Variants in KDM4C observed in about 807,000 individuals in gnomAD.
KDM4C encodes lysine demethylase 4C.
In KDM4C, 81 loss-of-function variants were observed where a neutral mutation model predicts 129.3. That is an observed-to-expected ratio of 0.63 (90% CI 0.52 to 0.75). KDM4C has a LOEUF of 0.75. KDM4C is among the 30% of genes least tolerant of loss of function. The pLI is 0.00. For missense variants in KDM4C, 1,457 were observed against 1,304.0 expected, an observed-to-expected ratio of 1.12 and a Z score of -1.81; for synonymous variants, 573 against 456.1, an observed-to-expected ratio of 1.26 and a Z score of -3.26.
rs1173494897 is a variant in KDM4C, at chr9:6,720,998, G to A, written c.49+1G>A. 1 of 1,550,776 alleles carries A rather than the reference G, an allele frequency of 6.4e-7. No individual in the cohort carries two copies. The highest frequency in any genetic ancestry group is 8.7e-7 in the Non-Finnish European group (1 of 1,146,150). On this transcript the variant is annotated splice_donor_variant, in intron 1 of 17. Coordinates refer to the KDM4C transcript ENST00000536108. LOFTEE classifies it high-confidence loss of function. ...AAGAGGACTGAAGAAGCAGCTGCAG[G>A]TGAGTGCTGCTCTGAACATAATCCA...
chr9:6,790,466 A>T (rs1316823120), intron 1 of KDM4C, among the ~76,000 whole-genome samples: 1 of 147,732 alleles, frequency 6.8e-6, no homozygotes, highest in Non-Finnish European at 1.5e-5. Flanking sequence ...GTTAGCCAGG[A>T]TGGTCTCCAT....
chr9:6,894,140 G>A (rs568517408), intron 8 of KDM4C, among the ~76,000 whole-genome samples: 3 of 152,304 alleles, frequency 2.0e-5, no homozygotes, highest in South Asian at 4.1e-4. Flanking sequence ...TCAGGTGAAC[G>A]TAGACAGAAG....
Position 7,174,547 on chromosome 9 carries a change from T to G in KDM4C, c.2995-6T>G, listed in dbSNP as rs1289328388. The G allele has an allele frequency of 6.2e-7, 1 of 1,613,826 alleles. No individual in the cohort carries two copies. Among genetic ancestry groups the G allele is most frequent in the East Asian group, 2.2e-5 (1 of 44,880 alleles). On this transcript the variant is annotated splice_polypyrimidine_tract_variant and splice_region_variant and intron_variant, in intron 21 of 21. Transcript: ENST00000381309. ...CCTTTTGCAATATAACACCAGCTGC[T>G]TTTAGTCCACAGCCTCTGACATGCG...
At chr9:6,761,019 T>A (rs1588098748) in intron 1 of KDM4C, among the ~76,000 whole-genome samples, 3 of 150,596 alleles carry the variant, frequency 2.0e-5, no homozygotes, top group Admixed American at 6.6e-5. Flanking sequence ...TTTTTTTTTT[T>A]GAGACGGAAT....
At chr9:6,900,487 G>T (rs372865384) in intron 8 of KDM4C, among the ~76,000 whole-genome samples, 1 of 152,194 alleles carries the variant, frequency 6.6e-6, no homozygotes, top group East Asian at 1.9e-4. Context: ...AGTCAGTGGA[G>T]CCAGGGGCAT....
chr9:7,038,851 A>G (rs1017920487), intron 15 of KDM4C, among the ~76,000 whole-genome samples: 2 of 151,732 alleles, frequency 1.3e-5, no homozygotes, highest in African/African-American at 4.8e-5. Flanking sequence ...CATTTTCTTT[A>G]TTCTTGAGGT....
chr9:6,804,477 T>A (rs1217996729), intron 2 of KDM4C, among the ~76,000 whole-genome samples: 1 of 152,130 alleles, frequency 6.6e-6, no homozygotes, highest in Non-Finnish European at 1.5e-5. Context: ...AATATAATGT[T>A]GGCCGGGCGT....
chr9:7,074,419 G>A (rs12683329), intron 17 of KDM4C, among the ~76,000 whole-genome samples: 86,589 of 151,866 alleles, frequency 0.57, 25,652 homozygotes, highest in Non-Finnish European at 0.65. Flanking sequence ...CACCCACCTT[G>A]GTCTGCCAAA....
rs961185593 is a variant in KDM4C at position 6,758,861 on chromosome 9, G to A, written c.-18+658G>A. Among the ~76,000 whole-genome samples the A allele has an allele frequency of 1.3e-5, 2 of 152,244 alleles. No individual in the cohort carries two copies. Among genetic ancestry groups the A allele is most frequent in the African/African-American group, 4.8e-5 (2 of 41,474 alleles). ...GACTGCCAGGCACAGAACGTGGCGT[G>A]GAGTGGGGACGTGGAGGAGGGAGCC... is the stretch of plus-strand genomic sequence containing the variant. On this transcript the variant is annotated intron_variant, in intron 1 of 21. Transcript: ENST00000381309. The surrounding 1 kb of genome is among the most constrained non-coding windows in gnomAD (Gnocchi z 4.6).
intron 1 of KDM4C, among the ~76,000 whole-genome samples, chr9:6,748,488 C>T (rs932603238): frequency 2.1e-5 from 3 of 142,202 alleles, no homozygotes; most frequent in African/African-American, 7.8e-5. Context: ...GCCTGGGCAA[C>T]AAGAGTGAAA....
chr9:6,961,562 A>G (rs886528487), intron 8 of KDM4C, among the ~76,000 whole-genome samples: 1 of 152,228 alleles, frequency 6.6e-6, no homozygotes, highest in Non-Finnish European at 1.5e-5. Context: ...TACATAGCAT[A>G]ATTCATTAGT....
At chr9:6,856,214 A>G (rs2130311282) in intron 5 of KDM4C, among the ~76,000 whole-genome samples, 1 of 152,228 alleles carries the variant, frequency 6.6e-6, no homozygotes, top group South Asian at 2.1e-4. Context: ...AGGCAGCTTG[A>G]TAGTATTTAG....
At chr9:7,049,997 T>A (rs1469161659) in intron 17 of KDM4C, among the ~76,000 whole-genome samples, 3 of 152,242 alleles carry the variant, frequency 2.0e-5, no homozygotes, top group African/African-American at 4.8e-5. Context: ...CTTTCCACTG[T>A]ACAGCATTTC....
chr9:6,798,695 C>G (rs901645783), intron 2 of KDM4C, among the ~76,000 whole-genome samples: 3 of 152,240 alleles, frequency 2.0e-5, no homozygotes, highest in Admixed American at 1.3e-4. Context: ...CACCTTTCCC[C>G]CTTTTCTATT....
chr9:6,819,748 A>G (rs1428078521), intron 4 of KDM4C, among the ~76,000 whole-genome samples: 1 of 152,198 alleles, frequency 6.6e-6, no homozygotes, highest in East Asian at 1.9e-4. Context: ...GAGTGTAATA[A>G]TTGCTTACTG....
At chr9:6,851,572 C>G (rs1376217236) in intron 5 of KDM4C, among the ~76,000 whole-genome samples, 4 of 152,064 alleles carry the variant, frequency 2.6e-5, no homozygotes, top group African/African-American at 7.3e-5. Context: ...CAACTACATA[C>G]TATGTCTTGC....
intron 8 of KDM4C, chr9:6,925,605 C>T (rs1351351923): frequency 2.0e-6 from 2 of 985,292 alleles, no homozygotes; most frequent in Admixed American, 6.2e-5. Context: ...ACCCTCAGTT[C>T]TAAAACCGTC....
chr9:7,019,247 T>C (rs1824221269), intron 15 of KDM4C, among the ~76,000 whole-genome samples: 1 of 152,232 alleles, frequency 6.6e-6, no homozygotes, highest in Non-Finnish European at 1.5e-5. Context: ...GCTGCAATGA[T>C]TGCATTTTTA....
chr9:6,783,779 G>C (rs1237513627), intron 1 of KDM4C, among the ~76,000 whole-genome samples: 4 of 152,184 alleles, frequency 2.6e-5, no homozygotes, highest in African/African-American at 7.2e-5. Context: ...ATTGATTGTA[G>C]CAATTAAAAA....
Sources: gnomAD v4.1 joint callset for allele counts (sites outside exome capture counted in the v4.1 genomes callset) on GRCh38, gnomAD v4.1.1 for gene constraint, Gnocchi (gnomAD v3.1) non-coding constraint, MANE v1.5 for transcripts, NCBI Gene and HGNC (gene_info 2026-07-23, HGNC 2026-07-21) for gene names.